RYR2: variants seen among roughly 807,000 people sequenced by gnomAD.
RYR2 encodes cardiac muscle ryanodine receptor-calcium release channel.
In RYR2, 227 loss-of-function variants were observed where a neutral mutation model predicts 601.1. The observed-to-expected ratio is 0.38, with a 90% CI of 0.34 to 0.42. The LOEUF is 0.42. RYR2 is among the 10% of genes least tolerant of loss of function. The pLI is 1.00. For synonymous variants in RYR2, 2,223 were observed against 2,175.1 expected (o/e 1.02, Z -0.61); for missense variants, 4,646 against 6,156.5 (o/e 0.75, Z 8.21).
chr1:237,748,553 C>T (rs367608706), intron 80 of RYR2, among the ~76,000 whole-genome samples: 2 of 152,126 alleles, frequency 1.3e-5, no homozygotes, highest in East Asian at 3.9e-4. Flanking sequence ...CATAAGTACA[C>T]TGTGTGGGGG....
In RYR2 at chr1:237,073,361, A is replaced by G. The variant is rs79869385; in HGVS notation, c.48+30792A>G. Among the ~76,000 whole-genome samples the G allele has an allele frequency of 2.6e-3, 393 of 152,250 alleles. 1 individual carries two copies. Among genetic ancestry groups the G allele is most frequent in the African/African-American group, 9.1e-3 (380 of 41,548 alleles). The stretch of plus-strand genomic sequence containing the variant: ...GTCAGCAAGGCCAGAGGCGAACCTC[A>G]TAAGACAAAGGGGACCACGTAGGAA... On this transcript the variant is annotated intron_variant, in intron 1 of 104. Coordinates refer to ENST00000366574, the MANE Select transcript of RYR2 (RefSeq NM_001035.3).
intron 2 of RYR2, among the ~76,000 whole-genome samples, chr1:237,311,093 A>T (rs573280793): frequency 6.6e-6 from 1 of 152,318 alleles, no homozygotes; most frequent in South Asian, 2.1e-4. Context: ...ATTATTGATT[A>T]TATTATTATT....
chr1:237,766,404 C>A (rs1693852373), intron 84 of RYR2, among the ~76,000 whole-genome samples: 1 of 152,170 alleles, frequency 6.6e-6, no homozygotes, highest in Non-Finnish European at 1.5e-5. Context: ...TAGTGACCAG[C>A]ATTATTATTT....
At chr1:237,381,798 A>G (rs10925394) in intron 8 of RYR2, among the ~76,000 whole-genome samples, 24,320 of 152,124 alleles carry the variant, frequency 0.16, 2,157 homozygotes, top group East Asian at 0.38. Context: ...TTAAGCTCTA[A>G]AAATGGTTGT....
Position 237,042,365 on chromosome 1 carries a change from C to T in RYR2, c.-157C>T. On this transcript the variant is annotated 5_prime_UTR_variant, in exon 1 of 105. Coordinates refer to ENST00000366574, the MANE Select transcript of RYR2 (RefSeq NM_001035.3). ...GAGCGTCCGCGCCTCCTCCTCCGCT[C>T]TGCAGGCGGGGACCGCCCGGCGCTC... 1 of 622,152 alleles carries T rather than the reference C, an allele frequency of 1.6e-6. No homozygotes were observed. Among genetic ancestry groups the T allele is most frequent in the Non-Finnish European group, 2.2e-6 (1 of 455,810 alleles). The allele number at this position is 622,152 out of a possible 1,614,324, so 38.5% of individuals were successfully genotyped here. A position where few individuals can be genotyped will look rare whatever the true frequency, so the allele number is the denominator to read the frequency against.
chr1:237,590,157 T>A (rs1375476196), intron 30 of RYR2, among the ~76,000 whole-genome samples, 156 bp downstream of exon 30: 2 of 152,206 alleles, frequency 1.3e-5, no homozygotes, highest in African/African-American at 4.8e-5. Flanking sequence ...GATGGTACTT[T>A]CTACCAGCTA....
intron 1 of RYR2, among the ~76,000 whole-genome samples, chr1:237,088,984 C>T (rs1402317742): frequency 6.6e-6 from 1 of 152,136 alleles, no homozygotes; most frequent in Non-Finnish European, 1.5e-5. Context: ...TCCCGAATAA[C>T]AAACCAAACC....
At position 237,676,144 on chromosome 1, in the gene RYR2, C is replaced by A. The variant is rs560979073; in HGVS notation, c.8830+1298C>A. ...TCTACATTTGAAAGGATCCGATATG[C>A]GTAGCAACTCCAATATCCAGTCTTG... On this transcript the variant is annotated intron_variant, in intron 60 of 104. Transcript: ENST00000366574. 2.7e-4 allele frequency among the ~76,000 whole-genome samples: 41 copies of A among 152,220 alleles called. No homozygotes were observed. The South Asian group carries it at 8.3e-3, about 31-fold the overall frequency.
rs544813273 is a variant in RYR2 at position 237,424,159 on chromosome 1, A to G, written c.1005+911A>G. Among the ~76,000 whole-genome samples, 4 of 152,166 alleles carry G rather than the reference A, an allele frequency of 2.6e-5. No individual in the cohort carries two copies. In the East Asian group the frequency reaches 7.7e-4, roughly 29 times the overall value. ...AAATTGAGATGAGATTTGGGTGGGG[A>G]CACAGAGCCAAACCATATCAATTGC... On this transcript the variant is annotated intron_variant, in intron 12 of 104. Transcript: ENST00000366574.
At chr1:237,356,016 T>C (rs1299896006) in intron 4 of RYR2, 31 bp downstream of exon 4, 1 of 1,598,540 alleles carries the variant, frequency 6.3e-7, no homozygotes, top group African/African-American at 1.3e-5. Flanking sequence ...GCAAAGAAAT[T>C]GTGATCTAAA....
At chr1:237,225,041 C>A (rs147998895) in intron 1 of RYR2, among the ~76,000 whole-genome samples, 70 of 152,186 alleles carry the variant, frequency 4.6e-4, no homozygotes, top group African/African-American at 1.6e-3. Flanking sequence ...AGGTTCTGAT[C>A]ATTTCAGAAG....
chr1:237,764,111 A>C (rs1693650115), intron 84 of RYR2, among the ~76,000 whole-genome samples: 1 of 152,210 alleles, frequency 6.6e-6, no homozygotes, highest in South Asian at 2.1e-4. Context: ...CAATATGACC[A>C]TAAATTATAT....
intron 13 of RYR2, among the ~76,000 whole-genome samples, chr1:237,445,129 C>T (rs936378599): frequency 2.6e-5 from 4 of 152,168 alleles, no homozygotes; most frequent in African/African-American, 7.2e-5. Flanking sequence ...AGAAGGATCA[C>T]TGAAGCCCAG....
chr1:237,811,862 T>C (rs1467511033), intron 100 of RYR2, among the ~76,000 whole-genome samples: 1 of 152,214 alleles, frequency 6.6e-6, no homozygotes, highest in Non-Finnish European at 1.5e-5. Flanking sequence ...GCTAGTGACC[T>C]ACTTGGAGGA....
At chr1:237,330,063 T>G (rs969020304) in intron 2 of RYR2, among the ~76,000 whole-genome samples, 17 of 152,230 alleles carry the variant, frequency 1.1e-4, no homozygotes, top group Admixed American at 1.1e-3. Context: ...AATATTAATT[T>G]GAGACAACTA....
intron 15 of RYR2, among the ~76,000 whole-genome samples, chr1:237,454,951 G>A (rs576901062): frequency 7.8e-4 from 118 of 152,128 alleles, no homozygotes; most frequent in Non-Finnish European, 1.1e-3. Context: ...AAACTATTCA[G>A]CAGGTGCTCC....
At chr1:237,579,473 T>C (rs1361850895) in intron 29 of RYR2, among the ~76,000 whole-genome samples, 1 of 152,048 alleles carries the variant, frequency 6.6e-6, no homozygotes, top group Non-Finnish European at 1.5e-5. Flanking sequence ...GAGGCTGGTC[T>C]CGAACTCCTG....
chr1:237,194,842 A>T (rs1680379277), intron 1 of RYR2, among the ~76,000 whole-genome samples: 1 of 152,184 alleles, frequency 6.6e-6, no homozygotes, highest in Non-Finnish European at 1.5e-5. Context: ...GCATCTAGAA[A>T]GGTGGCTGAA....
chr1:237,310,295 A>T (rs1031529884), intron 2 of RYR2, among the ~76,000 whole-genome samples: 1 of 152,194 alleles, frequency 6.6e-6, no homozygotes, highest in Non-Finnish European at 1.5e-5. Flanking sequence ...GGGTTGTGGG[A>T]ATATAATGTG....
Sources: gnomAD v4.1 joint callset for allele counts (sites outside exome capture counted in the v4.1 genomes callset) on GRCh38, gnomAD v4.1.1 for gene constraint, MANE v1.5 for transcripts, NCBI Gene and HGNC (gene_info 2026-07-23, HGNC 2026-07-21) for gene names.